Variants in TCF12 observed in about 807,000 individuals in gnomAD.
TCF12 encodes the protein transcription factor 12, also known as DNA-binding protein HTF4.
TCF12 carries 45 observed loss-of-function variants against 86.0 expected under a neutral mutation model. That is an observed-to-expected ratio of 0.52 (90% CI 0.41 to 0.67). TCF12 has a LOEUF of 0.67. Ranked by LOEUF, TCF12 falls within the 30% of genes least tolerant of loss-of-function variation. TCF12 has a pLI of 0.00. For missense variants in TCF12, 881 were observed against 859.9 expected, an observed-to-expected ratio of 1.02 and a Z score of -0.31; for synonymous variants, 330 against 299.6, an observed-to-expected ratio of 1.10 and a Z score of -1.05.
chr15:57,232,918 CT>C (rs1422193115), intron 11 of TCF12, 62 bp downstream of exon 11: 2 of 1,194,888 alleles, frequency 1.7e-6, no homozygotes, highest in South Asian at 4.5e-5. Context: ...ACCCCGATAT[CT>C]TTATATATAT....
chr15:56,922,504 G>T (rs2059837364), intron 3 of TCF12, among the ~76,000 whole-genome samples: 1 of 151,980 alleles, frequency 6.6e-6, no homozygotes, highest in South Asian at 2.1e-4. Context: ...TGTGAACTGG[G>T]ATATAGATTA....
chr15:56,960,651 A>G (rs1357857773), intron 3 of TCF12, among the ~76,000 whole-genome samples: 1 of 151,094 alleles, frequency 6.6e-6, no homozygotes, highest in African/African-American at 2.4e-5. Flanking sequence ...GCTGGTCTCA[A>G]ACTCCTGACC....
chr15:57,263,873 C>T (rs967307098), intron 18 of TCF12, among the ~76,000 whole-genome samples: 3 of 151,868 alleles, frequency 2.0e-5, no homozygotes, highest in Admixed American at 2.0e-4. Context: ...AAATGGTACC[C>T]GTATAGGCCA....
intron 3 of TCF12, among the ~76,000 whole-genome samples, chr15:56,990,264 T>C (rs1351529012): frequency 1.3e-5 from 2 of 150,524 alleles, no homozygotes; most frequent in African/African-American, 4.9e-5. Flanking sequence ...TGCGTGTGTG[T>C]GTGTGTGTGA....
At chr15:57,188,766 A>T (rs1379018227) in intron 6 of TCF12, among the ~76,000 whole-genome samples, 1 of 152,216 alleles carries the variant, frequency 6.6e-6, no homozygotes, top group Non-Finnish European at 1.5e-5. Context: ...GTACTTCTTC[A>T]TCACAACATA....
At chr15:57,189,673 T>C (rs2056878684) in intron 6 of TCF12, among the ~76,000 whole-genome samples, 2 of 152,316 alleles carry the variant, frequency 1.3e-5, no homozygotes, top group South Asian at 4.1e-4. Flanking sequence ...GAAAACAGTT[T>C]GGCAGTTCCT....
chr15:57,242,380 G>C (rs1301067046), intron 12 of TCF12, among the ~76,000 whole-genome samples: 1 of 152,104 alleles, frequency 6.6e-6, no homozygotes, highest in African/African-American at 2.4e-5. Context: ...CCTGGATTAA[G>C]GGGACTTTTA....
At chr15:57,125,197 A>G (rs1469727399) in intron 5 of TCF12, among the ~76,000 whole-genome samples, 2 of 152,188 alleles carry the variant, frequency 1.3e-5, no homozygotes, top group Non-Finnish European at 2.9e-5. Flanking sequence ...TGGAACTTTT[A>G]TATGCAGGGA....
intron 12 of TCF12, among the ~76,000 whole-genome samples, chr15:57,234,877 T>G (rs1255845598): frequency 6.6e-6 from 1 of 152,218 alleles, no homozygotes; most frequent in African/African-American, 2.4e-5. Context: ...CTGAGTAGTA[T>G]GCCTCTTAGA....
chr15:57,248,092 C>T, intron 13 of TCF12: 1 of 702,520 alleles, frequency 1.4e-6, no homozygotes, highest in Non-Finnish European at 2.6e-6. Flanking sequence ...GTTCAGTATC[C>T]CATCTCTTTC....
At chr15:57,161,244 G>C (rs913538327) in intron 5 of TCF12, among the ~76,000 whole-genome samples, 40 of 152,220 alleles carry the variant, frequency 2.6e-4, no homozygotes, top group African/African-American at 9.6e-4. Context: ...TATAACTTAA[G>C]TATATTAGTG....
intron 7 of TCF12, among the ~76,000 whole-genome samples, chr15:57,193,402 A>G (rs2057085545): frequency 6.6e-6 from 1 of 152,160 alleles, no homozygotes; most frequent in African/African-American, 2.4e-5. Context: ...AAGCATTCAA[A>G]CCTCATTATT....
At chr15:57,075,511 T>C (rs1205125610) in intron 4 of TCF12, among the ~76,000 whole-genome samples, 3 of 152,114 alleles carry the variant, frequency 2.0e-5, no homozygotes, top group South Asian at 4.1e-4. Context: ...CTCATTCTTA[T>C]GGGAAAAACA....
intron 3 of TCF12, among the ~76,000 whole-genome samples, chr15:57,061,782 T>C (rs1300023635): frequency 1.3e-5 from 2 of 152,180 alleles, no homozygotes; most frequent in Non-Finnish European, 2.9e-5. Context: ...ATACAACTTT[T>C]CATAAAATTA....
rs901837078 is a variant in TCF12 at position 57,288,278 on chromosome 15, C to G, written c.*2133C>G. On this transcript the variant is annotated 3_prime_UTR_variant, in exon 21 of 21. Transcript: ENST00000333725. ...TAGGATTCTAGCATACCGTGTAGTA[C>G]CTATGGAGTATTGTAAGAGCTAATT... 1.3e-5 allele frequency: 2 copies of G among 152,532 alleles called. No homozygotes were observed. Among genetic ancestry groups the G allele is most frequent in the African/African-American group, 4.8e-5 (2 of 41,428 alleles). The allele number at this position is 152,532 out of a possible 1,614,324, so 9.4% of individuals were successfully genotyped here.
intron 5 of TCF12, among the ~76,000 whole-genome samples, chr15:57,134,095 ATTAT>A (rs1222831110): frequency 6.6e-6 from 1 of 152,192 alleles, no homozygotes; most frequent in Non-Finnish European, 1.5e-5. Flanking sequence ...ATGTCAAGAA[ATTAT>A]TTATTAGGTT....
At chr15:56,936,407 T>C (rs12902058) in intron 3 of TCF12, among the ~76,000 whole-genome samples, 110,223 of 152,024 alleles carry the variant, frequency 0.73, 40,286 homozygotes, top group East Asian at 0.79. Flanking sequence ...TAGATTGAGA[T>C]GATTTTCTTG....
At chr15:57,192,427 T>C in intron 7 of TCF12, 134 bp downstream of exon 7, 1 of 1,254,692 alleles carries the variant, frequency 8.0e-7, no homozygotes, top group Non-Finnish European at 1.1e-6. Flanking sequence ...CTCACTCTGT[T>C]ACCCATGCAG....
chr15:57,159,305 A>G (rs1254133340), intron 5 of TCF12, among the ~76,000 whole-genome samples: 1 of 152,208 alleles, frequency 6.6e-6, no homozygotes, highest in Non-Finnish European at 1.5e-5. Context: ...CTCATACTCT[A>G]TGGCATTGCA....
Sources: gnomAD v4.1 joint callset for allele counts (sites outside exome capture counted in the v4.1 genomes callset) on GRCh38, gnomAD v4.1.1 for gene constraint, MANE v1.5 for transcripts, NCBI Gene and HGNC (gene_info 2026-07-23, HGNC 2026-07-21) for gene names.